Variants in GRM5 observed in about 807,000 individuals in gnomAD.
The protein encoded by GRM5 is glutamate metabotropic receptor 5.
Under a neutral mutation model 83.1 loss-of-function variants are expected in GRM5, and 19 were observed. That is an observed-to-expected ratio of 0.23 (90% CI 0.16 to 0.34). The LOEUF (loss-of-function observed/expected upper bound fraction) is 0.34, where lower values mean the gene tolerates loss of function less well. Ranked by LOEUF, GRM5 falls within the 10% of genes least tolerant of loss-of-function variation. The pLI is 1.00. For missense variants in GRM5, 1,160 were observed against 1,588.3 expected (o/e 0.73, Z 4.58); for synonymous variants, 675 against 633.6 (o/e 1.07, Z -0.98).
intron 4 of GRM5, among the ~76,000 whole-genome samples, chr11:88,624,630 T>TATG (rs1938737948): frequency 6.6e-6 from 1 of 152,124 alleles, no homozygotes; most frequent in Non-Finnish European, 1.5e-5. Flanking sequence ...TGCAGTGAGC[T>TATG]ATGATGGCAC....
chr11:88,601,476 A>T (rs2135226712), intron 5 of GRM5, among the ~76,000 whole-genome samples: 2 of 150,972 alleles, frequency 1.3e-5, no homozygotes, highest in South Asian at 4.2e-4. Context: ...CTTTGTATTA[A>T]AATTTTTGTG....
chr11:88,743,155 C>T (rs1403019470), intron 3 of GRM5, among the ~76,000 whole-genome samples: 5 of 152,128 alleles, frequency 3.3e-5, no homozygotes, highest in Non-Finnish European at 7.4e-5. Flanking sequence ...TGGGCTATTA[C>T]AGCAGGACCC....
At chr11:88,823,236 A>T (rs914651608) in intron 3 of GRM5, among the ~76,000 whole-genome samples, 4 of 150,974 alleles carry the variant, frequency 2.6e-5, no homozygotes, top group African/African-American at 9.7e-5. Flanking sequence ...CCTTTGTGGA[A>T]TATAATAATG....
At chr11:88,648,922 G>C (rs2135298997) in intron 4 of GRM5, among the ~76,000 whole-genome samples, 1 of 148,806 alleles carries the variant, frequency 6.7e-6, no homozygotes, top group Admixed American at 6.7e-5. Context: ...GAATGTTTAA[G>C]AGGAAATTTT....
intron 3 of GRM5, among the ~76,000 whole-genome samples, chr11:88,674,167 G>A (rs552189840): frequency 6.6e-6 from 1 of 151,774 alleles, no homozygotes; most frequent in Non-Finnish European, 1.5e-5. Context: ...CATTTGAGAT[G>A]GTTGACTACT....
intron 2 of GRM5, among the ~76,000 whole-genome samples, chr11:88,960,810 G>A (rs1301218969): frequency 3.9e-5 from 6 of 152,102 alleles, no homozygotes; most frequent in South Asian, 2.1e-4. Flanking sequence ...CCAAATGACC[G>A]TAAGATATTT....
At chr11:88,980,758 G>A (rs780898602) in intron 2 of GRM5, among the ~76,000 whole-genome samples, 8 of 152,078 alleles carry the variant, frequency 5.3e-5, no homozygotes, top group Non-Finnish European at 8.8e-5. Context: ...GGGAGGCAGA[G>A]CTTGCAGTGA....
chr11:88,787,738 G>T (rs1025637342), intron 3 of GRM5, among the ~76,000 whole-genome samples: 1 of 152,050 alleles, frequency 6.6e-6, no homozygotes, highest in African/African-American at 2.4e-5. Flanking sequence ...GTAAAGAAAA[G>T]AGAGAGAGGA....
intron 3 of GRM5, among the ~76,000 whole-genome samples, chr11:88,835,517 C>A (rs1944079209): frequency 1.3e-5 from 2 of 152,072 alleles, no homozygotes; most frequent in African/African-American, 4.8e-5. Context: ...AAGTGACTGG[C>A]AGATTTTAGG....
intron 3 of GRM5, among the ~76,000 whole-genome samples, chr11:88,821,344 CAAAAAAAA>C (rs375051761): frequency 1.3e-4 from 9 of 68,176 alleles, no homozygotes; most frequent in Admixed American, 3.5e-4. Context: ...CTTGAGGGGC[CAAAAAAAA>C]AAAAAAAAAA....
At chr11:88,670,795 C>T (rs1035461036) in intron 3 of GRM5, among the ~76,000 whole-genome samples, 3 of 151,842 alleles carry the variant, frequency 2.0e-5, no homozygotes, top group East Asian at 1.9e-4. Context: ...TAAAAACGAT[C>T]GACATAGTTC....
At chr11:88,959,976 T>C (rs1666361092) in intron 2 of GRM5, among the ~76,000 whole-genome samples, 1 of 152,162 alleles carries the variant, frequency 6.6e-6, no homozygotes, top group Non-Finnish European at 1.5e-5. Flanking sequence ...TTTAGCAAAG[T>C]CATCGCTGAT....
chr11:88,963,359 TACTTTTTCAGCCTCACTA>T (rs1236844764), intron 2 of GRM5, among the ~76,000 whole-genome samples: 3 of 152,262 alleles, frequency 2.0e-5, no homozygotes, highest in Non-Finnish European at 4.4e-5. Flanking sequence ...GAATCAAATT[TACTTTTTCAGCCTCACTA>T]ACCATACAGT....
intron 3 of GRM5, among the ~76,000 whole-genome samples, chr11:88,830,951 C>T (rs1943980362): frequency 6.6e-6 from 1 of 152,096 alleles, no homozygotes; most frequent in Admixed American, 6.5e-5. Flanking sequence ...GTAACCAGAT[C>T]TCATGAGACT....
chr11:88,730,021 T>C (rs565626312), intron 3 of GRM5, among the ~76,000 whole-genome samples: 8 of 152,056 alleles, frequency 5.3e-5, no homozygotes, highest in East Asian at 1.9e-4. Context: ...AAAGCCAAAA[T>C]TGACAAATGG....
intron 3 of GRM5, among the ~76,000 whole-genome samples, chr11:88,674,886 A>G (rs772710169): frequency 3.3e-5 from 5 of 151,950 alleles, no homozygotes; most frequent in Non-Finnish European, 5.9e-5. Context: ...TTTGTCTTTA[A>G]ATAAAGTCCA....
At chr11:89,042,189 T>C (rs977683439) in intron 2 of GRM5, among the ~76,000 whole-genome samples, 6 of 152,274 alleles carry the variant, frequency 3.9e-5, no homozygotes, top group Non-Finnish European at 7.3e-5. Context: ...ATTATTTCAT[T>C]TGTGGTCCCT....
chr11:89,001,677 G>A (rs1940386223), intron 2 of GRM5, among the ~76,000 whole-genome samples: 1 of 152,018 alleles, frequency 6.6e-6, no homozygotes, highest in African/African-American at 2.4e-5. Context: ...TTTGTAAAAG[G>A]TTACCATTTG....
At chr11:88,553,178 G>A (rs1942550182) in intron 8 of GRM5, among the ~76,000 whole-genome samples, 1 of 152,140 alleles carries the variant, frequency 6.6e-6, no homozygotes, top group Admixed American at 6.6e-5. Flanking sequence ...TTTTTCTTGT[G>A]TTTTTATTAG....
Sources: allele counts gnomAD v4.1 joint callset (sites outside exome capture counted in the v4.1 genomes callset), GRCh38; gene constraint gnomAD v4.1.1; transcripts MANE v1.5; gene names NCBI Gene and HGNC (gene_info 2026-07-23, HGNC 2026-07-21).